SHLD2: variants seen among roughly 807,000 people sequenced by gnomAD.
SHLD2 encodes the protein shieldin complex subunit 2.
SHLD2 carries 30 observed loss-of-function variants against 73.2 expected under a neutral mutation model. The observed-to-expected ratio is 0.41, with a 90% CI of 0.31 to 0.56. The LOEUF (loss-of-function observed/expected upper bound fraction) is 0.56, where lower values mean the gene tolerates loss of function less well. Among genes scored for constraint, SHLD2 ranks in the 20% least tolerant of loss-of-function variants. SHLD2 has a pLI of 0.28. For synonymous variants in SHLD2, 285 were observed against 370.1 expected, an observed-to-expected ratio of 0.77 and a Z score of 2.64; for missense variants, 745 against 1,055.9, an observed-to-expected ratio of 0.71 and a Z score of 4.08.
At chr10:87,097,604 G>A (rs1459674857) in intron 2 of SHLD2, among the ~76,000 whole-genome samples, 1 of 152,002 alleles carries the variant, frequency 6.6e-6, no homozygotes, top group Non-Finnish European at 1.5e-5. Context: ...AAAAGGAAAG[G>A]CAGAATTGAA....
intron 4 of SHLD2, among the ~76,000 whole-genome samples, chr10:87,164,463 G>C (rs1484764685): frequency 6.6e-6 from 1 of 151,786 alleles, no homozygotes; most frequent in African/African-American, 2.4e-5. Context: ...ATGTTGCTCT[G>C]GCTGGTCTCG....
At chr10:87,173,561 G>A (rs1257868595) in intron 6 of SHLD2, among the ~76,000 whole-genome samples, 7 of 151,806 alleles carry the variant, frequency 4.6e-5, no homozygotes, top group Admixed American at 3.3e-4. Flanking sequence ...TATACTTTAT[G>A]TTTGTGCCAA....
intron 4 of SHLD2, among the ~76,000 whole-genome samples, chr10:87,162,382 A>G (rs565121228): frequency 2.6e-5 from 4 of 152,358 alleles, no homozygotes; most frequent in Admixed American, 2.0e-4. Context: ...TCCCTAATAT[A>G]TAAAGAACTT....
At chr10:87,107,994 G>C (rs926492582) in intron 2 of SHLD2, among the ~76,000 whole-genome samples, 3 of 151,846 alleles carry the variant, frequency 2.0e-5, no homozygotes, top group African/African-American at 7.3e-5. Flanking sequence ...AGCAGTTCTC[G>C]TGCCTCAGCC....
intron 2 of SHLD2, among the ~76,000 whole-genome samples, chr10:87,148,059 T>C (rs1845750179): frequency 6.6e-6 from 1 of 152,190 alleles, no homozygotes; most frequent in Non-Finnish European, 1.5e-5. Context: ...CCATGTTGCC[T>C]AGGCTAGTCT....
intron 2 of SHLD2, among the ~76,000 whole-genome samples, chr10:87,149,167 C>T (rs902939408): frequency 2.0e-5 from 3 of 151,742 alleles, no homozygotes; most frequent in South Asian, 2.1e-4. Context: ...GGATTACAGG[C>T]GTGAGCCACC....
At chr10:87,188,032 C>G (rs1274233153) in intron 9 of SHLD2, among the ~76,000 whole-genome samples, 1 of 152,172 alleles carries the variant, frequency 6.6e-6, no homozygotes, top group African/African-American at 2.4e-5. Context: ...GCACCTGGGC[C>G]TCAGAGAAAG....
At chr10:87,184,648 A>G (rs1358415098) in intron 8 of SHLD2, among the ~76,000 whole-genome samples, 1 of 151,934 alleles carries the variant, frequency 6.6e-6, no homozygotes, top group African/African-American at 2.4e-5. Context: ...TTTCCTCTGC[A>G]GTCTCATCTG....
intron 2 of SHLD2, among the ~76,000 whole-genome samples, chr10:87,148,908 C>T: frequency 7.1e-6 from 1 of 141,252 alleles, no homozygotes. Context: ...TTTTCTGAGG[C>T]AGAGTCTCAC....
At chr10:87,160,987 CA>C (rs147632356) in intron 4 of SHLD2, among the ~76,000 whole-genome samples, 324 of 112,586 alleles carry the variant, frequency 2.9e-3, no homozygotes, top group Admixed American at 4.9e-3. Context: ...ATTCGGTCTC[CA>C]AAAAAAAAAA....
intron 2 of SHLD2, among the ~76,000 whole-genome samples, chr10:87,147,079 AAAAAAAAAAC>A (rs1845673569): frequency 1.3e-5 from 2 of 150,582 alleles, no homozygotes; most frequent in South Asian, 2.1e-4. Flanking sequence ...AAAGAAAAAA[AAAAAAAAAAC>A]AAAAAAACCT....
intron 4 of SHLD2, among the ~76,000 whole-genome samples, chr10:87,164,261 C>CT (rs1038138718): frequency 6.7e-5 from 10 of 148,860 alleles, no homozygotes; most frequent in Admixed American, 4.0e-4. Flanking sequence ...CCTGGCCTCT[C>CT]TTTTTTTTTG....
At position 87,152,043 on chromosome 10, in the gene SHLD2, A is replaced by C. The variant is rs1392916305; in HGVS notation, c.689A>C (p.Lys230Thr). The stretch of plus-strand genomic sequence containing the variant: ...TCAAGGTCTGAAGCAGCAGTTAGGA[A>C]GGTCTCAGACCTTAAAATATCAACT... ...DKSRSEAAVR[K>T]VSDLKISTDT... Residue 230 changes from lysine to threonine, a missense_variant, in exon 3 of 10, where the codon AAG becomes ACG. Physicochemically the swap from Lys to Thr is moderately conservative, Grantham distance 78. Transcript: ENST00000298786. The C allele has an allele frequency of 2.5e-6, 4 of 1,611,942 alleles. No homozygotes were observed. The highest frequency in any genetic ancestry group is 3.4e-6 in the Non-Finnish European group (4 of 1,179,804).
chr10:87,142,922 C>CTTTTTTTTTT (rs71269253), intron 2 of SHLD2, among the ~76,000 whole-genome samples: 1 of 83,200 alleles, frequency 1.2e-5, no homozygotes, highest in Non-Finnish European at 2.2e-5. Context: ...TTTATTTTTA[C>CTTTTTTTTTT]TTTTTTTTTT....
Position 87,170,565 on chromosome 10 carries a change from G to A in SHLD2, c.1721G>A (p.Arg574Lys). 1 of 1,613,592 alleles carries A rather than the reference G, an allele frequency of 6.2e-7. No individual in the cohort carries two copies. The highest frequency in any genetic ancestry group is 8.5e-7 in the Non-Finnish European group (1 of 1,179,770). ...TCCTACCTCAGAGATCTTCCTCCGAGGCAGCCTCAGAGGGTGAACAGTATA... is the reference window on the plus strand; with the variant it reads ...TCCTACCTCAGAGATCTTCCTCCGAAGCAGCCTCAGAGGGTGAACAGTATA... ...KHSYLRDLPP[R>K]QPQRVNSIDF... The change falls in exon 5 of 10, where the codon AGG becomes AAG. Residue 574 changes from arginine (R) to lysine (K), a missense_variant. Arg to Lys is a conservative substitution (Grantham distance 26). Coordinates refer to ENST00000298786, the MANE Select transcript of SHLD2 (RefSeq NM_001330112.2).
chr10:87,120,909 G>C (rs1342407035), intron 2 of SHLD2, among the ~76,000 whole-genome samples: 24 of 151,904 alleles, frequency 1.6e-4, no homozygotes, highest in Non-Finnish European at 2.6e-4. Context: ...AATTAGCTGG[G>C]TGTGGTGGTG....
At chr10:87,120,199 C>T (rs891572076) in intron 2 of SHLD2, among the ~76,000 whole-genome samples, 1 of 151,924 alleles carries the variant, frequency 6.6e-6, no homozygotes, top group Non-Finnish European at 1.5e-5. Flanking sequence ...ATTTCCCTCC[C>T]AAGGCTGCTG....
intron 4 of SHLD2, among the ~76,000 whole-genome samples, chr10:87,169,660 G>C (rs3120313): frequency 0.72 from 106,426 of 148,734 alleles, 39,094 homozygotes; most frequent in Middle Eastern, 0.9. Flanking sequence ...AAGCATACTT[G>C]TCTTACCTTC....
intron 2 of SHLD2, among the ~76,000 whole-genome samples, chr10:87,134,448 G>A (rs533418233): frequency 1.7e-4 from 26 of 152,224 alleles, no homozygotes; most frequent in African/African-American, 5.5e-4. Context: ...TAATGGCCAC[G>A]TATGGGCTGG....
Sources: gnomAD v4.1 joint callset for allele counts (sites outside exome capture counted in the v4.1 genomes callset) on GRCh38, gnomAD v4.1.1 for gene constraint, MANE v1.5 for transcripts, NCBI Gene and HGNC (gene_info 2026-07-23, HGNC 2026-07-21) for gene names.